Variants in NTM observed in about 807,000 individuals in gnomAD.
NTM encodes the protein neurotrimin, also known as IgLON family member 2.
NTM carries 13 observed loss-of-function variants against 42.1 expected under a neutral mutation model. That is an observed-to-expected ratio of 0.31 (90% CI 0.20 to 0.49). The LOEUF (loss-of-function observed/expected upper bound fraction) is 0.49, where lower values mean the gene tolerates loss of function less well. NTM is among the 20% of genes least tolerant of loss of function. The pLI, the probability that NTM is intolerant of heterozygous loss-of-function variation, is 0.99. For synonymous variants in NTM, 187 were observed against 179.2 expected (o/e 1.04, Z -0.35); for missense variants, 373 against 452.8 (o/e 0.82, Z 1.60).
At chr11:131,979,383 CGTA>C (rs1263110693) in intron 2 of NTM, among the ~76,000 whole-genome samples, 7 of 152,202 alleles carry the variant, frequency 4.6e-5, no homozygotes, top group African/African-American at 1.7e-4. Flanking sequence ...TAACAATTGG[CGTA>C]GTAATTTCTT....
chr11:132,170,877 A>C (rs1329080647), intron 3 of NTM, among the ~76,000 whole-genome samples: 2 of 152,164 alleles, frequency 1.3e-5, no homozygotes, highest in Non-Finnish European at 2.9e-5. Context: ...ATGGTCCTTG[A>C]CCTCATGATG....
intron 3 of NTM, among the ~76,000 whole-genome samples, chr11:132,149,199 T>C (rs1247376136): frequency 7.2e-6 from 1 of 139,072 alleles, no homozygotes; most frequent in Non-Finnish European, 1.5e-5. Flanking sequence ...TGTTTCTGTA[T>C]TGGAAAGAGG....
At chr11:132,230,772 C>A (rs1284304361) in intron 4 of NTM, among the ~76,000 whole-genome samples, 1 of 151,950 alleles carries the variant, frequency 6.6e-6, no homozygotes, top group Non-Finnish European at 1.5e-5. Context: ...ACCTGTAATC[C>A]CAGCACAATA....
At chr11:131,910,877 C>T in intron 1 of NTM, 6 of 985,360 alleles carry the variant, frequency 6.1e-6, no homozygotes, top group Non-Finnish European at 7.2e-6. Flanking sequence ...CCGCAGGATC[C>T]CGGGCCCGGA....
At chr11:131,910,881 G>T (rs939692490) in intron 1 of NTM, 3 of 985,354 alleles carry the variant, frequency 3.0e-6, no homozygotes, top group African/African-American at 1.7e-5. Context: ...AGGATCCCGG[G>T]CCCGGATCGC....
At chr11:132,183,741 G>A (rs2077962544) in intron 3 of NTM, among the ~76,000 whole-genome samples, 2 of 152,078 alleles carry the variant, frequency 1.3e-5, no homozygotes, top group African/African-American at 4.8e-5. Flanking sequence ...TTGGTGTAAA[G>A]TGCTTCCATT....
intron 1 of NTM, among the ~76,000 whole-genome samples, chr11:131,525,019 G>T (rs924193717): frequency 2.0e-5 from 3 of 151,994 alleles, no homozygotes; most frequent in Admixed American, 6.6e-5. Context: ...AAGGTGATGG[G>T]ATGTATCCTA....
intron 1 of NTM, among the ~76,000 whole-genome samples, chr11:131,500,575 ATAT>A (rs1405423490): frequency 0.01 from 182 of 18,036 alleles, 5 homozygotes; most frequent in South Asian, 0.014. Context: ...ATATATATAT[ATAT>A]TTTTTTTTTT....
chr11:131,833,224 C>A (rs1334193535), intron 1 of NTM, among the ~76,000 whole-genome samples: 1 of 152,160 alleles, frequency 6.6e-6, no homozygotes, highest in African/African-American at 2.4e-5. Flanking sequence ...GAAAGGTGAG[C>A]TTTGTAGTCA....
intron 1 of NTM, among the ~76,000 whole-genome samples, chr11:131,657,095 G>C (rs1043481172): frequency 2.0e-5 from 3 of 151,156 alleles, no homozygotes; most frequent in African/African-American, 7.3e-5. Context: ...AACCCTCTTT[G>C]AGCAGTTGAG....
At chr11:131,991,128 G>A (rs2066941440) in intron 2 of NTM, among the ~76,000 whole-genome samples, 1 of 152,148 alleles carries the variant, frequency 6.6e-6, no homozygotes, top group Non-Finnish European at 1.5e-5. Flanking sequence ...AACTACTGAG[G>A]AGCTTTTATT....
intron 2 of NTM, among the ~76,000 whole-genome samples, chr11:132,128,781 A>T (rs2137042677): frequency 6.6e-6 from 1 of 151,718 alleles, no homozygotes; most frequent in South Asian, 2.1e-4. Flanking sequence ...TAAAAAAATA[A>T]AATAAAATTA....
intron 8 of NTM, among the ~76,000 whole-genome samples, chr11:132,333,798 G>T (rs560975358): frequency 6.6e-6 from 1 of 152,284 alleles, no homozygotes; most frequent in African/African-American, 2.4e-5. Context: ...CCAAATTAGG[G>T]ATTTATCCCA....
chr11:131,380,292 C>T (rs558511084), intron 1 of NTM, among the ~76,000 whole-genome samples: 43 of 151,378 alleles, frequency 2.8e-4, no homozygotes, highest in Non-Finnish European at 4.7e-4. Flanking sequence ...ACCTCAACCT[C>T]CGCCTCCCGG....
intron 1 of NTM, chr11:131,910,037 G>C (rs944850523): frequency 2.0e-5 from 3 of 152,208 alleles, no homozygotes; most frequent in Non-Finnish European, 4.4e-5. Flanking sequence ...GATTTTTCCA[G>C]TTTCGCACAC....
chr11:131,732,301 C>G (rs2079799365), intron 1 of NTM, among the ~76,000 whole-genome samples: 1 of 152,160 alleles, frequency 6.6e-6, no homozygotes, highest in South Asian at 2.1e-4. Context: ...CTCTATTTAT[C>G]TAATTGTCCC....
chr11:131,398,663 T>C (rs926160786), intron 1 of NTM, among the ~76,000 whole-genome samples: 1 of 152,202 alleles, frequency 6.6e-6, no homozygotes, highest in Non-Finnish European at 1.5e-5. Context: ...ATCTCCATGA[T>C]TATGGCCTTA....
chr11:132,084,009 C>A, intron 2 of NTM, among the ~76,000 whole-genome samples: 1 of 152,002 alleles, frequency 6.6e-6, no homozygotes. Flanking sequence ...AAGATTACTT[C>A]AGTTTTCTAT....
rs116589222 is a variant in NTM, at chr11:131,381,332, T to A, written c.82+10444T>A. Among the ~76,000 whole-genome samples the A allele has an allele frequency of 9.2e-3, 1,395 of 152,316 alleles. 18 individuals are homozygous for A. The highest frequency in any genetic ancestry group is 0.032 in the African/African-American group (1,313 of 41,558). On this transcript the variant is annotated intron_variant, in intron 1 of 8. Coordinates refer to ENST00000683400, the MANE Select transcript of NTM (RefSeq NM_001352005.2). ...CCACTAGAGTACTTGACTTTCTTCC[T>A]GAACAGTCAAGAGGAAACTCAGCCC... is the stretch of plus-strand genomic sequence containing the variant.
Sources: allele counts gnomAD v4.1 joint callset (sites outside exome capture counted in the v4.1 genomes callset), GRCh38; gene constraint gnomAD v4.1.1; transcripts MANE v1.5; gene names NCBI Gene and HGNC (gene_info 2026-07-23, HGNC 2026-07-21).